The following CNTN4 variants were observed in gnomAD, a reference collection of about 807,000 sequenced individuals.
CNTN4 encodes contactin-4.
Under a neutral mutation model 122.5 loss-of-function variants are expected in CNTN4, and 77 were observed. The ratio of observed to expected loss-of-function variants is 0.63; its 90% confidence interval spans 0.52 to 0.76. The LOEUF is 0.76. Among genes scored for constraint, CNTN4 ranks in the 30% least tolerant of loss-of-function variants. The pLI, the probability that CNTN4 is intolerant of heterozygous loss-of-function variation, is 0.00. For synonymous variants in CNTN4, 512 were observed against 447.0 expected (o/e 1.15, Z -1.83); for missense variants, 1,256 against 1,259.1 (o/e 1.00, Z 0.04).
chr3:2,483,757 G>A (rs1451827371), intron 3 of CNTN4, among the ~76,000 whole-genome samples: 1 of 152,124 alleles, frequency 6.6e-6, no homozygotes, highest in Non-Finnish European at 1.5e-5. Context: ...TACCATGATT[G>A]TAAGTTTCCT....
intron 4 of CNTN4, among the ~76,000 whole-genome samples, chr3:2,693,824 GTC>G: frequency 6.6e-6 from 1 of 152,286 alleles, no homozygotes; most frequent in Admixed American, 6.5e-5. Flanking sequence ...GATAAACTGA[GTC>G]TCTGTACCCC....
At chr3:2,188,600 G>T (rs1469346218) in intron 2 of CNTN4, among the ~76,000 whole-genome samples, 1 of 152,250 alleles carries the variant, frequency 6.6e-6, no homozygotes, top group Non-Finnish European at 1.5e-5. Flanking sequence ...CCATTTCTGG[G>T]TTCTAGGGAG....
chr3:2,981,108 C>T (rs1310062937), intron 13 of CNTN4, among the ~76,000 whole-genome samples: 2 of 151,920 alleles, frequency 1.3e-5, no homozygotes, highest in Non-Finnish European at 2.9e-5. Context: ...ACAAGCTGCT[C>T]TTTGTTAGAA....
intron 2 of CNTN4, among the ~76,000 whole-genome samples, chr3:2,326,892 G>A (rs930569036): frequency 2.6e-5 from 4 of 152,086 alleles, no homozygotes; most frequent in African/African-American, 9.7e-5. Context: ...TTCTAACTCC[G>A]AGGCCTATCC....
intron 2 of CNTN4, among the ~76,000 whole-genome samples, chr3:2,202,758 T>A (rs2038157015): frequency 6.6e-6 from 1 of 152,112 alleles, no homozygotes. Flanking sequence ...CCCAAGATAT[T>A]GCTGTTTCCC....
At chr3:2,501,965 C>T (rs575756574) in intron 3 of CNTN4, among the ~76,000 whole-genome samples, 2 of 152,258 alleles carry the variant, frequency 1.3e-5, no homozygotes, top group African/African-American at 4.8e-5. Context: ...TAAAATATTG[C>T]ATGGAATTAC....
intron 2 of CNTN4, among the ~76,000 whole-genome samples, chr3:2,115,777 C>G (rs1398191568): frequency 1.3e-5 from 2 of 152,226 alleles, no homozygotes; most frequent in African/African-American, 2.4e-5. Context: ...TGTGCCTTCT[C>G]TGAATAATTC....
chr3:3,048,796 T>C (rs950127694), intron 23 of CNTN4, among the ~76,000 whole-genome samples: 3 of 152,190 alleles, frequency 2.0e-5, no homozygotes, highest in Non-Finnish European at 2.9e-5. Flanking sequence ...GTGGGTTTAT[T>C]TTCCCTTCTT....
chr3:3,043,605 C>T lies in CNTN4; in HGVS notation c.2712C>T (p.Pro904=). The change falls in exon 23 of 25, where the codon CCC becomes CCT. Residue 904 remains proline, a synonymous_variant. Coordinates refer to ENST00000418658, the MANE Select transcript of CNTN4 (RefSeq NM_175607.3). ...VTTRKPPPSQ[P]PGNIIWNSSD... Reference sequence around the variant, plus strand: ...ATTTTTTTATAGCACCAAGTCAACCCCCCGGAAACATCATATGGAATTCAT... The same window carrying T: ...ATTTTTTTATAGCACCAAGTCAACCTCCCGGAAACATCATATGGAATTCAT... The T allele has an allele frequency of 1.9e-6, 3 of 1,613,380 alleles. No homozygotes were observed. Among genetic ancestry groups the T allele is most frequent in the South Asian group, 2.2e-5 (2 of 91,076 alleles).
At chr3:2,845,093 C>T (rs905937677) in intron 7 of CNTN4, among the ~76,000 whole-genome samples, 15 of 152,076 alleles carry the variant, frequency 9.9e-5, no homozygotes, top group East Asian at 7.7e-4. Context: ...TTGTCATTTC[C>T]GCAAAAACTA....
At chr3:2,909,695 C>G (rs909500497) in intron 12 of CNTN4, among the ~76,000 whole-genome samples, 3 of 152,102 alleles carry the variant, frequency 2.0e-5, no homozygotes, top group Non-Finnish European at 2.9e-5. Flanking sequence ...GTTTAAAAAG[C>G]CATTGAATTT....
intron 2 of CNTN4, among the ~76,000 whole-genome samples, chr3:2,184,834 T>C: frequency 6.6e-6 from 1 of 152,230 alleles, no homozygotes; most frequent in East Asian, 1.9e-4. Flanking sequence ...GAGAAAAAAA[T>C]TTCCATGTTT....
chr3:2,978,001 A>G (rs1176360382), intron 13 of CNTN4, among the ~76,000 whole-genome samples: 1 of 152,188 alleles, frequency 6.6e-6, no homozygotes, highest in Non-Finnish European at 1.5e-5. Flanking sequence ...CCAAAAAACA[A>G]AAGGGCCAAC....
intron 4 of CNTN4, among the ~76,000 whole-genome samples, chr3:2,728,557 A>G (rs1219610332): frequency 6.6e-6 from 1 of 152,244 alleles, no homozygotes; most frequent in East Asian, 1.9e-4. Flanking sequence ...TTGTTCTGCA[A>G]TCTGATAAAG....
chr3:2,584,466 G>A (rs2149592016), intron 4 of CNTN4, among the ~76,000 whole-genome samples: 1 of 152,166 alleles, frequency 6.6e-6, no homozygotes, highest in Middle Eastern at 3.4e-3. Context: ...CACTTTGTGA[G>A]GCTGAGGCGG....
chr3:2,128,073 G>C (rs2034265079), intron 2 of CNTN4, among the ~76,000 whole-genome samples: 1 of 152,202 alleles, frequency 6.6e-6, no homozygotes, highest in Admixed American at 6.5e-5. Flanking sequence ...TTTAAAGAAA[G>C]TGACATGTTA....
chr3:2,233,070 T>G (rs1363295973), intron 2 of CNTN4, among the ~76,000 whole-genome samples: 1 of 151,882 alleles, frequency 6.6e-6, no homozygotes, highest in African/African-American at 2.4e-5. Flanking sequence ...GTCAAACTAT[T>G]CAAGCATGGC....
At chr3:2,213,654 C>G (rs544694080) in intron 2 of CNTN4, among the ~76,000 whole-genome samples, 1 of 152,260 alleles carries the variant, frequency 6.6e-6, no homozygotes, top group East Asian at 1.9e-4. Flanking sequence ...GCACTCCAGG[C>G]TCCCATTGGT....
intron 2 of CNTN4, among the ~76,000 whole-genome samples, chr3:2,163,263 TA>T (rs2036042421): frequency 6.6e-6 from 1 of 152,174 alleles, no homozygotes; most frequent in Non-Finnish European, 1.5e-5. Context: ...AAAGACACCT[TA>T]TTCAATAAAT....
Sources: gnomAD v4.1 joint callset for allele counts (sites outside exome capture counted in the v4.1 genomes callset) on GRCh38, gnomAD v4.1.1 for gene constraint, MANE v1.5 for transcripts, NCBI Gene and HGNC (gene_info 2026-07-23, HGNC 2026-07-21) for gene names.